The following ZNF732 variants were observed in gnomAD, a reference collection of about 807,000 sequenced individuals.
ZNF732 encodes the protein zinc finger protein LOC654254.
ZNF732 carries 12 observed loss-of-function variants against 11.5 expected under a neutral mutation model. The ratio of observed to expected loss-of-function variants is 1.05; its 90% confidence interval spans 0.67 to 1.70. The LOEUF is 1.70. ZNF732 is among the 40% of genes most tolerant of loss of function. The pLI, the probability that ZNF732 is intolerant of heterozygous loss-of-function variation, is 0.00. For missense variants in ZNF732, 702 were observed against 676.9 expected, an observed-to-expected ratio of 1.04 and a Z score of -0.41; for synonymous variants, 231 against 236.5, an observed-to-expected ratio of 0.98 and a Z score of 0.21.
chr4:284,367 C>T (rs1719681220), intron 3 of ZNF732, among the ~76,000 whole-genome samples: 1 of 151,972 alleles, frequency 6.6e-6, no homozygotes, highest in African/African-American at 2.4e-5. Context: ...CAGAAAGTAT[C>T]TTGAGACAAA....
chr4:303,763 T>C (rs1431055515), intron 1 of ZNF732, among the ~76,000 whole-genome samples: 2 of 152,256 alleles, frequency 1.3e-5, no homozygotes, highest in African/African-American at 4.8e-5. Context: ...AGGCATGGTC[T>C]TGAAGTCACT....
At chr4:284,850 C>T (rs1354943241) in intron 3 of ZNF732, among the ~76,000 whole-genome samples, 2 of 118,516 alleles carry the variant, frequency 1.7e-5, no homozygotes, top group African/African-American at 6.6e-5. Context: ...CAGCCCGGGC[C>T]ACAGAGTGAG....
chr4:272,387 T>C lies in ZNF732; in HGVS notation c.470A>G (p.Asn157Ser). Residue 157 changes from asparagine (N) to serine (S), a missense_variant, in exon 4 of 4, where the codon AAC (asparagine) becomes AGC (serine). Physicochemically the swap from Asn to Ser is conservative, Grantham distance 46 (BLOSUM62 1). This residue lies in a region of ZNF732 where 596 missense variants were observed against 557.9 expected (regional missense o/e 1.07). Coordinates refer to ENST00000419098, the MANE Select transcript of ZNF732 (RefSeq NM_001137608.3). The part of the protein sequence containing the change: ...VKVFSTFSNS[N>S]QRRIRHTGEK... Reference sequence around the variant, plus strand: ...TCCAGTATGTCTTATCCTACGTTGGTTTGAATTTGAAAATGTACTAAATAC... The same window carrying C: ...TCCAGTATGTCTTATCCTACGTTGGCTTGAATTTGAAAATGTACTAAATAC... 1 of 1,598,716 alleles carries C rather than the reference T, an allele frequency of 6.3e-7. No individual in the cohort carries two copies. The highest frequency in any genetic ancestry group is 8.5e-7 in the Non-Finnish European group (1 of 1,171,400).
In ZNF732 at chr4:295,505, G is replaced by A. The variant is rs782005173; in HGVS notation, c.159C>T (p.Val53=). The change falls in exon 3 of 4, where the codon GTC becomes GTT. Residue 53 remains valine (V), a synonymous_variant. Coordinates refer to ENST00000419098, the MANE Select transcript of ZNF732 (RefSeq NM_001137608.3). Reference sequence around the variant, plus strand: ...GCTCCTTTCTTTGCTCCAGATAGATGACCAGGTCTGGGTTAGAGATAGCAA... The same window carrying A: ...GCTCCTTTCTTTGCTCCAGATAGATAACCAGGTCTGGGTTAGAGATAGCAA... ...LGVAISNPDL[V]IYLEQRKEPY... The A allele has an allele frequency of 1.2e-6, 2 of 1,612,784 alleles. No homozygotes were observed. Among genetic ancestry groups the A allele is most frequent in the Non-Finnish European group, 1.7e-6 (2 of 1,179,366 alleles).
At chr4:283,968 T>C (rs1719673033) in intron 3 of ZNF732, among the ~76,000 whole-genome samples, 1 of 152,178 alleles carries the variant, frequency 6.6e-6, no homozygotes, top group South Asian at 2.1e-4. Flanking sequence ...TGTAGTGCAG[T>C]GGTGCGATCT....
At position 295,419 on chromosome 4, in the gene ZNF732, T is replaced by C. The variant is rs782410508; in HGVS notation, c.226+19A>G. The C allele has an allele frequency of 1.1e-5, 18 of 1,589,654 alleles. No homozygotes were observed. The East Asian group carries it at 1.4e-4, about 12-fold the overall frequency. On this transcript the variant is annotated intron_variant, in intron 3 of 3. Coordinates refer to ENST00000419098, the MANE Select transcript of ZNF732 (RefSeq NM_001137608.3). ...TGGTCCCCTGGCCTGTGTCCTCTCCTTCATTCACTGTCACCTACCTGGGTG... is the reference window on the plus strand; with the variant it reads ...TGGTCCCCTGGCCTGTGTCCTCTCCCTCATTCACTGTCACCTACCTGGGTG...
At position 272,471 on chromosome 4, in the gene ZNF732, A is replaced by C; in HGVS notation, c.386T>G (p.Phe129Cys). 8 of 1,601,862 alleles carry C rather than the reference A, an allele frequency of 5.0e-6. No individual in the cohort carries two copies. Among genetic ancestry groups the C allele is most frequent in the Non-Finnish European group, 6.8e-6 (8 of 1,173,234 alleles). Residue 129 changes from phenylalanine (F) to cysteine (C), a missense_variant, in exon 4 of 4, where the codon TTT becomes TGT. Transcript: ENST00000419098. Reference protein sequence around the residue: ...RKVQKGGYNEFNQCLSTIQSK... With the variant: ...RKVQKGGYNECNQCLSTIQSK... The stretch of plus-strand genomic sequence containing the variant: ...CTGGATAGTTGACAAGCATTGATTA[A>C]ATTCATTATAACCTCCTTTCTGCAC...
Position 272,327 on chromosome 4 carries a change from T to C in ZNF732, c.530A>G (p.Gln177Arg), listed in dbSNP as rs781907939. The C allele has an allele frequency of 2.4e-5, 39 of 1,611,318 alleles. No individual in the cohort carries two copies. Among genetic ancestry groups the C allele is most frequent in the Non-Finnish European group, 3.1e-5 (37 of 1,178,448 alleles). ...KHFKECGKSF[Q>R]KFSDLTQHQG... Reference sequence around the variant, plus strand: ...ATGTTGAGTTAGGTCTGAGAACTTCTGAAATGACTTGCCACATTCTTTAAA... The same window carrying C: ...ATGTTGAGTTAGGTCTGAGAACTTCCGAAATGACTTGCCACATTCTTTAAA... The change falls in exon 4 of 4, where the codon CAG (glutamine) becomes CGG (arginine). Residue 177 changes from glutamine to arginine, a missense_variant. Around this residue, in one of 3 missense-constraint regions of ZNF732, gnomAD observed 596 missense variants for 557.9 expected, o/e 1.07. Transcript: ENST00000419098.
chr4:297,376 C>A (rs1553842554), intron 1 of ZNF732, among the ~76,000 whole-genome samples: 1 of 152,008 alleles, frequency 6.6e-6, no homozygotes, highest in Non-Finnish European at 1.5e-5. Context: ...CTAAGACACT[C>A]ACATTATGTG....
intron 3 of ZNF732, among the ~76,000 whole-genome samples, chr4:286,238 T>C (rs1719726200): frequency 6.6e-6 from 1 of 152,226 alleles, no homozygotes; most frequent in African/African-American, 2.4e-5. Flanking sequence ...TCATACATCA[T>C]TACTTTAAAA....
At position 295,321 on chromosome 4, in the gene ZNF732, CT is replaced by C. The variant is rs374651389; in HGVS notation, c.226+116del. On this transcript the variant is annotated intron_variant, in intron 3 of 3. Coordinates refer to ENST00000419098, the MANE Select transcript of ZNF732 (RefSeq NM_001137608.3). ...CATGAATATGAGAAAAAAATGCAGC[CT>C]TTTCAGAAATTATTTTCACTGGAGC... 1,140 of 779,258 alleles carry C rather than the reference CT, an allele frequency of 1.5e-3. 8 individuals are homozygous for C. The highest frequency in any genetic ancestry group is 8.3e-3 in the African/African-American group (471 of 56,706). 48.3% of individuals were successfully genotyped at this position (779,258 alleles called of 1,614,324 possible). A position where few individuals can be genotyped will look rare whatever the true frequency, so the allele number is the denominator to read the frequency against.
chr4:271,819 G>A lies in ZNF732; in HGVS notation c.1038C>T (p.Ser346=). 6.2e-7 allele frequency: 1 copy of A among 1,613,244 alleles called. No homozygotes were observed. The highest frequency in any genetic ancestry group is 1.1e-5 in the South Asian group (1 of 91,000). The change falls in exon 4 of 4, where the codon TCC becomes TCT. Residue 346 remains serine, a synonymous_variant. Coordinates refer to ENST00000419098, the MANE Select transcript of ZNF732 (RefSeq NM_001137608.3). ...TTCTCTTATGTTCATTCAGAACTGA[G>A]GACCTACTAAAGGCTTTGCCACATT... ...CEECGKAFSR[S]SVLNEHKRIH... is the part of the protein sequence containing the mutation.
intron 3 of ZNF732, among the ~76,000 whole-genome samples, chr4:284,067 C>T (rs1010638780): frequency 6.6e-5 from 10 of 151,994 alleles, no homozygotes; most frequent in African/African-American, 1.9e-4. Context: ...CCCGCCACCA[C>T]GCCCGGCTAA....
rs1553842242 is a variant in ZNF732 at position 296,097 on chromosome 4, A to C, written c.62T>G (p.Leu21Arg). The C allele has an allele frequency of 6.2e-7, 1 of 1,613,872 alleles. No individual in the cohort carries two copies. Among genetic ancestry groups the C allele is most frequent in the African/African-American group, 1.3e-5 (1 of 74,922 alleles). The change falls in exon 2 of 4, where the codon CTG (leucine) becomes CGG (arginine). Residue 21 changes from leucine to arginine, a missense_variant. This residue lies in a region of ZNF732 where 596 missense variants were observed against 557.9 expected (regional missense o/e 1.07). Coordinates refer to ENST00000419098, the MANE Select transcript of ZNF732 (RefSeq NM_001137608.3). ...ATACAAATTCTGCTGGGCAGGGTCC[A>C]GGCATTTCCACTCTTCTGGAGAGAA... ...IEFSPEEWKC[L>R]DPAQQNLYRD...
intron 3 of ZNF732, among the ~76,000 whole-genome samples, chr4:286,159 T>C (rs1719724808): frequency 6.6e-6 from 1 of 152,222 alleles, no homozygotes; most frequent in South Asian, 2.1e-4. Context: ...CAAGCAATCC[T>C]GAAATTTTAT....
In ZNF732 at chr4:272,235, A is replaced by C; in HGVS notation, c.622T>G (p.Leu208Val). Residue 208 changes from leucine to valine, a missense_variant, in exon 4 of 4, where the codon TTA becomes GTA. Physicochemically the swap from Leu to Val is conservative, Grantham distance 32 (BLOSUM62 1). Around this residue, in one of 3 missense-constraint regions of ZNF732, gnomAD observed 596 missense variants for 557.9 expected, o/e 1.07. Coordinates refer to ENST00000419098, the MANE Select transcript of ZNF732 (RefSeq NM_001137608.3). The part of the protein sequence containing the change: ...EECGKDFKWY[L>V]IFNEYEIIHT... ...ATTATCTCATATTCATTAAAGATTA[A>C]ATACCATTTAAAGTCTTTGCCACAT... 1 of 1,612,296 alleles carries C rather than the reference A, an allele frequency of 6.2e-7. No individual in the cohort carries two copies. Among genetic ancestry groups the C allele is most frequent in the Non-Finnish European group, 8.5e-7 (1 of 1,179,056 alleles).
Position 305,443 on chromosome 4 carries a change from ACCCTAACCGAGCTCACGCTGG to A in ZNF732, c.-154_-134del. Reference sequence around the variant, plus strand: ...GAGGGGTGAAAGCACGGCCGTGGAGACCCTAACCGAGCTCACGCTGGCGCAAAAGGCAAAAGCCGCGCCAGA... The same window carrying A: ...GAGGGGTGAAAGCACGGCCGTGGAGACGCAAAAGGCAAAAGCCGCGCCAGA... On this transcript the variant is annotated 5_prime_UTR_variant, in exon 1 of 4. Coordinates refer to ENST00000419098, the MANE Select transcript of ZNF732 (RefSeq NM_001137608.3). 1 of 1,309,326 alleles carries A rather than the reference ACCCTAACCGAGCTCACGCTGG, an allele frequency of 7.6e-7. No homozygotes were observed. Among genetic ancestry groups the A allele is most frequent in the Non-Finnish European group, 1.0e-6 (1 of 952,548 alleles). The allele number at this position is 1,309,326 out of a possible 1,614,324, so 81.1% of individuals were successfully genotyped here.
chr4:280,906 A>C (rs186662530), intron 3 of ZNF732, among the ~76,000 whole-genome samples: 1 of 152,070 alleles, frequency 6.6e-6, no homozygotes, highest in Non-Finnish European at 1.5e-5. Context: ...ATTAGCCCCA[A>C]ATCCACTCTT....
chr4:296,425 T>C (rs1379176392), intron 1 of ZNF732, among the ~76,000 whole-genome samples: 1 of 152,080 alleles, frequency 6.6e-6, no homozygotes, highest in African/African-American at 2.4e-5. Context: ...GAAAAAAAGA[T>C]TTAACTCAGC....
Sources: allele counts gnomAD v4.1 joint callset (sites outside exome capture counted in the v4.1 genomes callset), GRCh38; gene constraint gnomAD v4.1.1; regional missense constraint gnomAD v4.1.1; transcripts MANE v1.5; gene names NCBI Gene and HGNC (gene_info 2026-07-23, HGNC 2026-07-21).